MGAT4C: variants seen among roughly 807,000 people sequenced by gnomAD.
MGAT4C encodes the protein alpha-1,3-mannosyl-glycoprotein 4-beta-N-acetylglucosaminyltransferase C.
Under a neutral mutation model 40.1 loss-of-function variants are expected in MGAT4C, and 19 were observed. The ratio of observed to expected loss-of-function variants is 0.47; its 90% CI spans 0.33 to 0.70. The LOEUF is 0.70. Ranked by LOEUF, MGAT4C falls within the 30% of genes least tolerant of loss-of-function variation. MGAT4C has a pLI of 0.02. For missense variants in MGAT4C, 491 were observed against 563.2 expected (o/e 0.87, Z 1.30); for synonymous variants, 181 against 187.1 (o/e 0.97, Z 0.27).
At chr12:86,670,499 C>T (rs1052557581) in intron 2 of MGAT4C, among the ~76,000 whole-genome samples, 2 of 151,710 alleles carry the variant, frequency 1.3e-5, no homozygotes, top group Non-Finnish European at 2.9e-5. Context: ...AGCTTGAGGA[C>T]CTGTGTCTCA....
rs543823205 is a variant in MGAT4C at position 86,569,748 on chromosome 12, T to G, written c.-228-134483A>C. Among the ~76,000 whole-genome samples the G allele has an allele frequency of 2.6e-5, 4 of 152,228 alleles. No homozygotes were observed. The South Asian group carries it at 8.3e-4, about 32-fold the overall frequency. ...GAGATATGTGAAGCTCTATTTTTAT[T>G]GCAGCACTATTTATAATATCCAAAA... On this transcript the variant is annotated intron_variant, in intron 2 of 7. Coordinates refer to the MGAT4C transcript ENST00000548651.
chr12:86,610,584 T>C (rs987065704), intron 2 of MGAT4C, among the ~76,000 whole-genome samples: 49 of 152,040 alleles, frequency 3.2e-4, no homozygotes, highest in South Asian at 6.2e-4. Flanking sequence ...TTTCTTTCTT[T>C]TTGTTTATTA....
chr12:86,209,306 GA>G (rs1376418828), intron 1 of MGAT4C, among the ~76,000 whole-genome samples: 3 of 151,304 alleles, frequency 2.0e-5, no homozygotes, highest in Admixed American at 6.6e-5. Flanking sequence ...CTACCCTTCT[GA>G]AAAAAAATCT....
chr12:86,194,712 C>T (rs1188892729), intron 1 of MGAT4C, among the ~76,000 whole-genome samples: 2 of 152,038 alleles, frequency 1.3e-5, no homozygotes, highest in Non-Finnish European at 2.9e-5. Context: ...GATCCATCCG[C>T]CTCAGCTTCC....
chr12:86,257,387 G>A (rs974369594), upstream of MGAT4C, among the ~76,000 whole-genome samples: 2 of 152,172 alleles, frequency 1.3e-5, no homozygotes, highest in Non-Finnish European at 2.9e-5. Context: ...AGAATTACCA[G>A]AGCTATTCAA....
At chr12:85,983,447 T>C in intron 4 of MGAT4C, 76 bp downstream of exon 4, 1 of 1,303,812 alleles carries the variant, frequency 7.7e-7, no homozygotes, top group Non-Finnish European at 1.0e-6. Flanking sequence ...GCCTTTTTAC[T>C]ATACATGTGA....
Position 85,965,514 on chromosome 12 carries a change from G to C in MGAT4C, c.*13775C>G, listed in dbSNP as rs1323302588. On this transcript the variant is annotated 3_prime_UTR_variant, in exon 5 of 5. Transcript: ENST00000611864. ...CGGGAGGCTGAGGCAGGAGAATGGC[G>C]TGACCCCAGGAGGTGGAACTTGCAG... 6.7e-6 allele frequency: 1 copy of C among 150,262 alleles called. No individual in the cohort carries two copies. The highest frequency in any genetic ancestry group is 1.5e-5 in the Non-Finnish European group (1 of 67,860). The allele number at this position is 150,262 out of a possible 1,614,324, so 9.3% of individuals were successfully genotyped here.
chr12:86,553,758 G>A (rs1284154411), intron 2 of MGAT4C, among the ~76,000 whole-genome samples: 2 of 152,012 alleles, frequency 1.3e-5, no homozygotes, highest in African/African-American at 2.4e-5. Context: ...CTAAATCATT[G>A]CTATTAGGCC....
chr12:86,346,802 G>A (rs541619669), intron 3 of MGAT4C, among the ~76,000 whole-genome samples: 6 of 152,216 alleles, frequency 3.9e-5, no homozygotes, highest in African/African-American at 1.4e-4. Context: ...TAGGCAGACC[G>A]ATCCTCAATC....
intron 3 of MGAT4C, among the ~76,000 whole-genome samples, chr12:86,374,254 A>T (rs1401887971): frequency 6.6e-6 from 1 of 152,134 alleles, no homozygotes; most frequent in East Asian, 1.9e-4. Context: ...CAAGCAAAGG[A>T]TTTCAACAAA....
At chr12:86,402,253 C>T (rs1481633263) in intron 3 of MGAT4C, among the ~76,000 whole-genome samples, 3 of 151,712 alleles carry the variant, frequency 2.0e-5, no homozygotes, top group Non-Finnish European at 2.9e-5. Flanking sequence ...AAGACCACTC[C>T]GTCTCTACTA....
Position 86,065,687 on chromosome 12 carries a change from A to G in MGAT4C, c.-56-15964T>C, listed in dbSNP as rs562314678. 2.6e-5 allele frequency among the ~76,000 whole-genome samples: 4 copies of G among 152,300 alleles called. No homozygotes were observed. The South Asian group carries it at 6.2e-4, about 24-fold the overall frequency. ...CCCTCTCTCAGCACTCCTATTCAAC[A>G]TAGTATTGGAAGTTCTTGTCAGGGC... On this transcript the variant is annotated intron_variant, in intron 1 of 4. Coordinates refer to ENST00000611864, the MANE Select transcript of MGAT4C (RefSeq NM_001351288.2).
At chr12:86,656,229 A>G (rs1433868538) in intron 2 of MGAT4C, among the ~76,000 whole-genome samples, 2 of 152,064 alleles carry the variant, frequency 1.3e-5, no homozygotes, top group Non-Finnish European at 2.9e-5. Flanking sequence ...TTACTGATAA[A>G]TTTATTTGTG....
At chr12:86,372,780 G>A (rs1955742666) in intron 3 of MGAT4C, among the ~76,000 whole-genome samples, 1 of 151,596 alleles carries the variant, frequency 6.6e-6, no homozygotes, top group Admixed American at 6.6e-5. Context: ...TCTTAGTATA[G>A]CTTTTTCATT....
intron 2 of MGAT4C, among the ~76,000 whole-genome samples, chr12:86,021,302 G>A (rs1276023286): frequency 4.0e-5 from 6 of 151,798 alleles, no homozygotes; most frequent in Non-Finnish European, 7.4e-5. Flanking sequence ...TGTTTATTGC[G>A]GCACTATTCA....
chr12:86,222,260 T>C (rs1950910183), intron 1 of MGAT4C, among the ~76,000 whole-genome samples: 1 of 152,220 alleles, frequency 6.6e-6, no homozygotes, highest in Non-Finnish European at 1.5e-5. Context: ...AAATCTGGTA[T>C]GGTGCTTTAA....
chr12:85,984,786 T>G (rs1885028137), intron 3 of MGAT4C, among the ~76,000 whole-genome samples: 1 of 152,090 alleles, frequency 6.6e-6, no homozygotes, highest in Admixed American at 6.5e-5. Context: ...ATTTATTTAA[T>G]TTTTTTCTTT....
intron 1 of MGAT4C, among the ~76,000 whole-genome samples, chr12:86,767,942 T>C (rs1951546652): frequency 6.6e-6 from 1 of 152,310 alleles, no homozygotes; most frequent in South Asian, 2.1e-4. Flanking sequence ...AAGCATTCCC[T>C]TTGAAAACTG....
chr12:86,229,258 A>G (rs1181959605), intron 1 of MGAT4C, among the ~76,000 whole-genome samples: 1 of 151,966 alleles, frequency 6.6e-6, no homozygotes, highest in African/African-American at 2.4e-5. Context: ...GTCTTAAAAC[A>G]TTGAATTGCA....
Sources: allele counts gnomAD v4.1 joint callset (sites outside exome capture counted in the v4.1 genomes callset), GRCh38; gene constraint gnomAD v4.1.1; transcripts MANE v1.5; gene names NCBI Gene and HGNC (gene_info 2026-07-23, HGNC 2026-07-21).